The following KCNIP4 variants were observed in gnomAD, a reference collection of about 807,000 sequenced individuals.
KCNIP4 encodes Kv channel-interacting protein 4.
A neutral mutation model predicts 34.0 loss-of-function variants in KCNIP4; 12 were observed. That is an observed-to-expected ratio of 0.35 (90% CI 0.23 to 0.57). The LOEUF (loss-of-function observed/expected upper bound fraction) is 0.57, where lower values mean the gene tolerates loss of function less well. Among genes scored for constraint, KCNIP4 ranks in the 20% least tolerant of loss-of-function variants. The pLI is 0.83. For synonymous variants in KCNIP4, 124 were observed against 102.2 expected (o/e 1.21, Z -1.29); for missense variants, 238 against 311.7 (o/e 0.76, Z 1.78).
At chr4:21,935,074 T>C (rs904222053) in intron 1 of KCNIP4, among the ~76,000 whole-genome samples, 2 of 152,026 alleles carry the variant, frequency 1.3e-5, no homozygotes, top group African/African-American at 4.8e-5. Flanking sequence ...AGCTGGAGTA[T>C]AGAGCCTGCC....
chr4:21,724,107 G>A lies in KCNIP4; in HGVS notation c.61+224464C>T, dbSNP rs150435645. Among the ~76,000 whole-genome samples the A allele has an allele frequency of 1.7e-3, 257 of 152,118 alleles. 1 individual carries two copies. The highest frequency in any genetic ancestry group is 6.0e-3 in the African/African-American group (249 of 41,518). ...AGAACCTACATGAATGATGGTACAT[G>A]GTCAAGGATTTGCAGATTTGGATTT... On this transcript the variant is annotated intron_variant, in intron 1 of 8. Coordinates refer to ENST00000382152, the MANE Select transcript of KCNIP4 (RefSeq NM_025221.6).
intron 1 of KCNIP4, among the ~76,000 whole-genome samples, chr4:21,176,731 G>A (rs1754438959): frequency 6.6e-6 from 1 of 152,070 alleles, no homozygotes; most frequent in South Asian, 2.1e-4. Context: ...ATGTTGCTCA[G>A]GCTCCTCTCG....
chr4:21,876,014 A>T (rs1726088709), intron 1 of KCNIP4, among the ~76,000 whole-genome samples: 2 of 152,140 alleles, frequency 1.3e-5, no homozygotes, highest in South Asian at 2.1e-4. Context: ...TGAACCATGG[A>T]TCCCTTTCAC....
intron 1 of KCNIP4, among the ~76,000 whole-genome samples, chr4:21,880,363 T>A (rs1275213008): frequency 6.6e-6 from 1 of 152,208 alleles, no homozygotes; most frequent in Non-Finnish European, 1.5e-5. Flanking sequence ...AGGCATTCCA[T>A]GTAGTCAATG....
At position 21,696,914 on chromosome 4, in the gene KCNIP4, C is replaced by G. The variant is rs1255745769; in HGVS notation, c.61+251657G>C. 2.0e-5 allele frequency among the ~76,000 whole-genome samples: 3 copies of G among 152,072 alleles called. No individual in the cohort carries two copies. In the East Asian group the frequency reaches 5.8e-4, roughly 29 times the overall value. On this transcript the variant is annotated intron_variant, in intron 1 of 8. Transcript: ENST00000382152. ...CTCTTTCCCGGCCAAGCCCTATGATCAAACACATGGGAAATAATCTATGGA... is the reference window on the plus strand; with the variant it reads ...CTCTTTCCCGGCCAAGCCCTATGATGAAACACATGGGAAATAATCTATGGA...
At chr4:21,539,330 C>T (rs1392479679) in intron 1 of KCNIP4, among the ~76,000 whole-genome samples, 3 of 152,094 alleles carry the variant, frequency 2.0e-5, no homozygotes. Context: ...GCTAAAGTAT[C>T]TTCTCCTAAA....
At chr4:21,214,272 A>G (rs1033134581) in intron 1 of KCNIP4, among the ~76,000 whole-genome samples, 1 of 152,224 alleles carries the variant, frequency 6.6e-6, no homozygotes, top group Non-Finnish European at 1.5e-5. Context: ...ATGAAAAATC[A>G]TAACTCAGAT....
intron 1 of KCNIP4, among the ~76,000 whole-genome samples, chr4:21,661,860 C>T (rs1326326169): frequency 6.6e-6 from 1 of 152,064 alleles, no homozygotes; most frequent in Non-Finnish European, 1.5e-5. Context: ...AAGAAAATAC[C>T]AAACAATTTT....
chr4:20,756,443 C>T (rs372319428), intron 4 of KCNIP4, among the ~76,000 whole-genome samples: 2 of 152,084 alleles, frequency 1.3e-5, no homozygotes, highest in African/African-American at 4.8e-5. Context: ...CCTTCTTTAC[C>T]AGTCTTCCCT....
chr4:21,561,700 C>G (rs1014067180), intron 1 of KCNIP4, among the ~76,000 whole-genome samples: 1 of 152,014 alleles, frequency 6.6e-6, no homozygotes, highest in East Asian at 1.9e-4. Flanking sequence ...AAATTACTTA[C>G]CATCTTTACT....
chr4:20,750,253 T>A (rs933877613), intron 4 of KCNIP4, among the ~76,000 whole-genome samples: 4 of 152,206 alleles, frequency 2.6e-5, no homozygotes, highest in Non-Finnish European at 5.9e-5. Flanking sequence ...GGAGTAAATC[T>A]GGGACATGAA....
At chr4:21,795,927 G>A (rs1442457325) in intron 1 of KCNIP4, among the ~76,000 whole-genome samples, 3 of 152,076 alleles carry the variant, frequency 2.0e-5, no homozygotes, top group Admixed American at 2.0e-4. Context: ...AAAATTAGCT[G>A]GGTTGGTGGT....
chr4:21,597,419 C>G (rs1439784571), intron 1 of KCNIP4, among the ~76,000 whole-genome samples: 2 of 152,024 alleles, frequency 1.3e-5, no homozygotes, highest in Non-Finnish European at 2.9e-5. Flanking sequence ...ATGTCTTTAT[C>G]AGCAGTGTGA....
chr4:21,067,016 A>C (rs1289524441), intron 1 of KCNIP4, among the ~76,000 whole-genome samples: 1 of 152,036 alleles, frequency 6.6e-6, no homozygotes, highest in Non-Finnish European at 1.5e-5. Flanking sequence ...AGGAGAGGAG[A>C]AGGGAGAACA....
intron 1 of KCNIP4, among the ~76,000 whole-genome samples, chr4:21,212,414 G>A (rs1323869863): frequency 6.6e-6 from 1 of 152,092 alleles, no homozygotes; most frequent in Non-Finnish European, 1.5e-5. Flanking sequence ...CTCCCTTTGT[G>A]TTATTACAAT....
intron 1 of KCNIP4, among the ~76,000 whole-genome samples, chr4:21,782,749 C>A (rs1377175433): frequency 1.3e-5 from 2 of 151,996 alleles, no homozygotes; most frequent in South Asian, 4.2e-4. Context: ...TTGTAATAGC[C>A]AAAAGACTTG....
At chr4:21,490,725 A>G (rs1188381737) in intron 1 of KCNIP4, among the ~76,000 whole-genome samples, 1 of 152,194 alleles carries the variant, frequency 6.6e-6, no homozygotes, top group Non-Finnish European at 1.5e-5. Context: ...ACATTTCTTT[A>G]GCCTTGGACA....
rs187818679 is a variant in KCNIP4, at chr4:21,002,990, A to G, written c.62-120281T>C. 1.3e-3 allele frequency among the ~76,000 whole-genome samples: 193 copies of G among 152,296 alleles called. 1 individual carries two copies. Among genetic ancestry groups the G allele is most frequent in the Non-Finnish European group, 1.9e-3 (129 of 68,028 alleles). ...CCCTCACATAATGAAAGATTTGAGT[A>G]TCATTTTCTGACTGCTCTTATTTTT... On this transcript the variant is annotated intron_variant, in intron 1 of 8. Transcript: ENST00000382152.
chr4:21,685,440 T>TAA (rs1471355964), intron 1 of KCNIP4, among the ~76,000 whole-genome samples: 1 of 152,140 alleles, frequency 6.6e-6, no homozygotes, highest in Non-Finnish European at 1.5e-5. Context: ...GGTGCAAAGA[T>TAA]AAAAGTTCAA....
Sources: gnomAD v4.1 joint callset for allele counts (sites outside exome capture counted in the v4.1 genomes callset) on GRCh38, gnomAD v4.1.1 for gene constraint, MANE v1.5 for transcripts, NCBI Gene and HGNC (gene_info 2026-07-23, HGNC 2026-07-21) for gene names.